Variants in MOCOS observed in about 807,000 individuals in gnomAD.
MOCOS encodes the protein molybdenum cofactor sulfurase, also known as human molybdenum cofactor sulfurase.
In MOCOS, 86 loss-of-function variants were observed where a neutral mutation model predicts 83.6. The observed-to-expected ratio is 1.03, with a 90% CI of 0.86 to 1.23. MOCOS has a LOEUF of 1.23. Ranked by LOEUF, MOCOS falls within the 50% of genes most tolerant of loss-of-function variation. The pLI is 0.00. For missense variants in MOCOS, 1,120 were observed against 1,126.9 expected, an observed-to-expected ratio of 0.99 and a Z score of 0.09; for synonymous variants, 445 against 434.7, an observed-to-expected ratio of 1.02 and a Z score of -0.29.
At chr18:36,209,168 CTCT>C (rs923188175) in intron 6 of MOCOS, among the ~76,000 whole-genome samples, 8 of 151,320 alleles carry the variant, frequency 5.3e-5, no homozygotes, top group Non-Finnish European at 4.4e-5. Context: ...GATTAACTTT[CTCT>C]TCTTCTTTTT....
At chr18:36,240,737 C>T (rs550218921) in intron 9 of MOCOS, among the ~76,000 whole-genome samples, 11 of 152,334 alleles carry the variant, frequency 7.2e-5, no homozygotes, top group African/African-American at 1.7e-4. Flanking sequence ...CCCAGCCTCG[C>T]TGCCGCCTTG....
At chr18:36,228,837 A>G (rs1353621928) in intron 9 of MOCOS, among the ~76,000 whole-genome samples, 2 of 59,144 alleles carry the variant, frequency 3.4e-5, no homozygotes, top group Non-Finnish European at 7.3e-5. Flanking sequence ...TTAAAAGTTG[A>G]AAAAAAAAAA....
At position 36,205,274 on chromosome 18, in the gene MOCOS, C is replaced by T; in HGVS notation, c.1216C>T (p.Gln406Ter). The T allele has an allele frequency of 6.2e-7, 1 of 1,613,296 alleles. No individual in the cohort carries two copies. Among genetic ancestry groups the T allele is most frequent in the East Asian group, 2.2e-5 (1 of 44,864 alleles). ...CAAAGGGAACATCATTGGTTACTCC[C>T]AGGTGGGTTTTCTTTCCATCCTGCT... Reference protein sequence around the residue: ...DDKGNIIGYSQVDKMASLYNI... With the variant: ...DDKGNIIGYS Residue 406 changes from glutamine (Q) to a stop codon, truncating the protein, a stop_gained and splice_region_variant, in exon 6 of 15, where the codon CAG (glutamine) becomes TAG (stop). Coordinates refer to ENST00000261326, the MANE Select transcript of MOCOS (RefSeq NM_017947.4). LOFTEE classifies it high-confidence loss of function.
At chr18:36,191,469 G>A (rs181594098) in intron 1 of MOCOS, among the ~76,000 whole-genome samples, 2 of 152,260 alleles carry the variant, frequency 1.3e-5, no homozygotes, top group Admixed American at 1.3e-4. Flanking sequence ...TTTGAGACGG[G>A]GACTTGCTCT....
At chr18:36,209,868 A>G (rs1174114266) in intron 6 of MOCOS, among the ~76,000 whole-genome samples, 2 of 151,996 alleles carry the variant, frequency 1.3e-5, no homozygotes, top group African/African-American at 4.8e-5. Flanking sequence ...CACCTGGCTA[A>G]TTTTTTGGCA....
intron 1 of MOCOS, 114 bp from the exon 2 acceptor site, chr18:36,195,143 G>A (rs2091382068): frequency 1.9e-5 from 16 of 854,234 alleles, no homozygotes; most frequent in Admixed American, 1.4e-4. Flanking sequence ...CACATATCAA[G>A]AGGCACAAGT....
At chr18:36,223,138 G>C (rs2091502956) in intron 9 of MOCOS, among the ~76,000 whole-genome samples, 2 of 152,022 alleles carry the variant, frequency 1.3e-5, no homozygotes, top group South Asian at 4.1e-4. Flanking sequence ...CTTGTGCTTT[G>C]GGTGTCATAT....
At chr18:36,191,989 C>T (rs2091367946) in intron 1 of MOCOS, among the ~76,000 whole-genome samples, 1 of 152,160 alleles carries the variant, frequency 6.6e-6, no homozygotes, top group Non-Finnish European at 1.5e-5. Context: ...ATCTGCAAAA[C>T]CCCCCACAGC....
chr18:36,241,783 G>T (rs1361391255), intron 9 of MOCOS, among the ~76,000 whole-genome samples: 1 of 152,218 alleles, frequency 6.6e-6, no homozygotes, highest in Non-Finnish European at 1.5e-5. Context: ...CCAAATCTCA[G>T]TTCTTGACTT....
At chr18:36,199,531 C>A in intron 3 of MOCOS, 152 bp from the exon 4 acceptor site, 2 of 1,168,216 alleles carry the variant, frequency 1.7e-6, no homozygotes, top group Non-Finnish European at 2.5e-6. Flanking sequence ...GTTCCCACGG[C>A]TTCCATTGCC....
intron 11 of MOCOS, 98 bp downstream of exon 11, chr18:36,251,381 G>A: frequency 1.3e-6 from 2 of 1,495,866 alleles, no homozygotes; most frequent in Non-Finnish European, 1.8e-6. Flanking sequence ...GTGACTTGCT[G>A]ATGTATGGAA....
intron 12 of MOCOS, among the ~76,000 whole-genome samples, chr18:36,257,384 A>G (rs1407824139): frequency 6.6e-6 from 1 of 152,170 alleles, no homozygotes; most frequent in African/African-American, 2.4e-5. Flanking sequence ...AATTGCCACC[A>G]ACTTGACTAA....
intron 9 of MOCOS, 125 bp downstream of exon 9, chr18:36,220,342 C>CTAAAAA: frequency 1.2e-6 from 1 of 843,826 alleles, no homozygotes; most frequent in African/African-American, 2.2e-5. Flanking sequence ...CTCATCTCTA[C>CTAAAAA]AAAAAAAAAA....
chr18:36,210,847 T>A, intron 6 of MOCOS, among the ~76,000 whole-genome samples: 2 of 20,158 alleles, frequency 9.9e-5, no homozygotes, highest in Non-Finnish European at 1.9e-4. Context: ...CAAGACTCTG[T>A]CTCAAAAAAA....
chr18:36,229,593 T>C (rs1019820041), intron 9 of MOCOS, among the ~76,000 whole-genome samples: 1 of 152,154 alleles, frequency 6.6e-6, no homozygotes, highest in Non-Finnish European at 1.5e-5. Flanking sequence ...AGCTTTCTTT[T>C]CTTTTCTCAC....
chr18:36,260,213 T>C lies in MOCOS; in HGVS notation c.2409+38T>C. The C allele has an allele frequency of 1.2e-6, 2 of 1,613,846 alleles. 1 individual carries two copies. Among genetic ancestry groups the C allele is most frequent in the South Asian group, 2.2e-5 (2 of 91,028 alleles). On this transcript the variant is annotated intron_variant, in intron 13 of 14. Coordinates refer to ENST00000261326, the MANE Select transcript of MOCOS (RefSeq NM_017947.4). ...AAGTTCTATTATCCTTCCTCCAGGG[T>C]TGTCAATGAAGATTGACCTCAATCC...
At chr18:36,204,715 A>G (rs955307196) in intron 5 of MOCOS, among the ~76,000 whole-genome samples, 5 of 152,136 alleles carry the variant, frequency 3.3e-5, no homozygotes, top group Non-Finnish European at 5.9e-5. Context: ...TAGTGGTGCC[A>G]GGCGTGGTGG....
chr18:36,239,118 C>G (rs1159902586), intron 9 of MOCOS, among the ~76,000 whole-genome samples: 6 of 149,916 alleles, frequency 4.0e-5, no homozygotes, highest in African/African-American at 9.8e-5. Flanking sequence ...TTAATTGGAG[C>G]ATTTAGTCCA....
intron 9 of MOCOS, among the ~76,000 whole-genome samples, chr18:36,232,226 C>T (rs1156554166): frequency 6.6e-6 from 1 of 152,284 alleles, no homozygotes; most frequent in East Asian, 1.9e-4. Context: ...CCACCTGCCT[C>T]GGCCTCTGAA....
Sources: gnomAD v4.1 joint callset for allele counts (sites outside exome capture counted in the v4.1 genomes callset) on GRCh38, gnomAD v4.1.1 for gene constraint, MANE v1.5 for transcripts, NCBI Gene and HGNC (gene_info 2026-07-23, HGNC 2026-07-21) for gene names.